The following LRRC8E variants were observed in gnomAD, a reference collection of about 807,000 sequenced individuals.
The protein encoded by LRRC8E is volume-regulated anion channel subunit LRRC8E.
LRRC8E carries 6 observed loss-of-function variants against 6.1 expected under a neutral mutation model. The ratio of observed to expected loss-of-function variants is 0.98; its 90% CI spans 0.54 to 1.93. The LOEUF (loss-of-function observed/expected upper bound fraction) is 1.93, where lower values mean the gene tolerates loss of function less well. Ranked by LOEUF, LRRC8E falls within the 30% of genes most tolerant of loss-of-function variation. The probability of loss-of-function intolerance (pLI) is 0.01; values close to 1 mark genes in which losing one functional copy is unlikely to be tolerated. For missense variants in LRRC8E, 1,028 were observed against 1,031.4 expected (o/e 1.00, Z 0.04); for synonymous variants, 485 against 472.8 (o/e 1.03, Z -0.33).
rs770943757 is a variant in LRRC8E at position 7,899,816 on chromosome 19, A to G, written c.1294A>G (p.Thr432Ala). The G allele has an allele frequency of 3.7e-6, 6 of 1,606,964 alleles. No homozygotes were observed. Among genetic ancestry groups the G allele is most frequent in the Non-Finnish European group, 4.2e-6 (5 of 1,179,920 alleles). Residue 432 changes from threonine (T) to alanine (A), a missense_variant, in exon 3 of 3, where the codon ACC becomes GCC. Coordinates refer to ENST00000306708, the MANE Select transcript of LRRC8E (RefSeq NM_025061.6). ...CTGCATGCTGCCGGGTCTGCCCGAC[A>G]CCGTCTTTGAGCTCAGTGAGGTGGA... is the stretch of plus-strand genomic sequence containing the variant. Reference protein sequence around the residue: ...ALCMLPGLPDTVFELSEVESL... With the variant: ...ALCMLPGLPDAVFELSEVESL...
chr19:7,899,377 C>T lies in LRRC8E; in HGVS notation c.855C>T (p.Ala285=). 6.2e-7 allele frequency: 1 copy of T among 1,614,178 alleles called. No homozygotes were observed. The highest frequency in any genetic ancestry group is 8.5e-7 in the Non-Finnish European group (1 of 1,180,030). ...TGGAGAAGATCAGTTTCCTGGTGGC[C>T]TGTAGGGTGGAGACGTCAGAGGTCA... ...VYVEKISFLV[A]CRVETSEVTG... is the part of the protein sequence containing the mutation. The change falls in exon 3 of 3, where the codon GCC becomes GCT. Residue 285 remains alanine, a synonymous_variant. Coordinates refer to ENST00000306708, the MANE Select transcript of LRRC8E (RefSeq NM_025061.6).
rs201620461 is a variant in LRRC8E at position 7,900,356 on chromosome 19, C to T, written c.1834C>T (p.Leu612Phe). 1.9e-6 allele frequency: 3 copies of T among 1,613,118 alleles called. No individual in the cohort carries two copies. Among genetic ancestry groups the T allele is most frequent in the African/African-American group, 2.7e-5 (2 of 75,062 alleles). Residue 612 changes from leucine (L) to phenylalanine (F), a missense_variant, in exon 3 of 3, where the codon CTC (leucine) becomes TTC (phenylalanine). By Grantham distance (22) the Leu-to-Phe change is conservative. Coordinates refer to ENST00000306708, the MANE Select transcript of LRRC8E (RefSeq NM_025061.6). This position sits in a 1 kb window ranked among gnomAD's most constrained non-coding sequence, Gnocchi z 5.0. ...FSLGALQELD[L>F]KDNHLRSIEE... The stretch of plus-strand genomic sequence containing the variant: ...CCTGGGTGCGCTGCAGGAACTTGAC[C>T]TCAAGGACAACCACCTGCGCTCCAT...
chr19:7,902,001 A>G lies in LRRC8E; in HGVS notation c.*1088A>G, dbSNP rs1358115812. 6.6e-6 allele frequency: 1 copy of G among 152,194 alleles called. No individual in the cohort carries two copies. Among genetic ancestry groups the G allele is most frequent in the African/African-American group, 2.4e-5 (1 of 41,440 alleles). The allele number at this position is 152,194 out of a possible 1,614,324, so 9.4% of individuals were successfully genotyped here. On this transcript the variant is annotated 3_prime_UTR_variant, in exon 3 of 3. Transcript: ENST00000306708. ...ACTGTTCTCTGGGTGCTTAATAAAT[A>G]ATACTAATTATGCAAGTTCTAGTTT...
Position 7,900,295 on chromosome 19 carries a change from C to T in LRRC8E, c.1773C>T (p.Ala591=), listed in dbSNP as rs1288839798. ...CATTGCGGGAGCTGGAGCTGGTGGC[C>T]TGCGGGCTGGAGCGCATCCCCCATG... The part of the protein sequence containing the change: ...LAALRELELV[A]CGLERIPHAV... The change falls in exon 3 of 3, where the codon GCC becomes GCT. Residue 591 remains alanine, a synonymous_variant. Transcript: ENST00000306708. The surrounding 1 kb of genome is among the most constrained non-coding windows in gnomAD (Gnocchi z 5.0). The T allele has an allele frequency of 6.2e-7, 1 of 1,613,370 alleles. No homozygotes were observed. Among genetic ancestry groups the T allele is most frequent in the East Asian group, 2.2e-5 (1 of 44,878 alleles).
In LRRC8E at chr19:7,895,635, CG is replaced by C. The variant is rs775839238; in HGVS notation, c.34del (p.Glu12AsnfsTer26). 1.4e-5 allele frequency: 23 copies of C among 1,613,916 alleles called. No homozygotes were observed. The African/African-American group carries it at 2.7e-4, about 19-fold the overall frequency. MIPVAEFKQF[T>X]EQQPAFKVLK... ...CCAGTGGCCGAGTTCAAGCAGTTCA[CG>C]GAACAGCAGCCTGCGTTCAAGGTGC... On this transcript the variant is annotated frameshift_variant, in exon 2 of 3. Coordinates refer to ENST00000306708, the MANE Select transcript of LRRC8E (RefSeq NM_025061.6). LOFTEE classifies it high-confidence loss of function. The surrounding 1 kb of genome is among the most constrained non-coding windows in gnomAD (Gnocchi z 4.7).
chr19:7,896,565 C>A (rs536994867), intron 2 of LRRC8E, among the ~76,000 whole-genome samples: 4 of 150,422 alleles, frequency 2.7e-5, no homozygotes, highest in African/African-American at 7.3e-5. Context: ...CAGAACGAGA[C>A]TCCATCTTAA....
In LRRC8E at chr19:7,889,310, C is replaced by T. The variant is rs144697055; in HGVS notation, c.-6+710C>T. ...CTACTAAAAATACAAAAATTAGTGG[C>T]GTGTCCCTGTAGTCCCAGCTACTGG... On this transcript the variant is annotated intron_variant, in intron 1 of 2. Transcript: ENST00000306708. Among the ~76,000 whole-genome samples the T allele has an allele frequency of 3.8e-3, 577 of 152,004 alleles. 1 individual carries two copies. Among genetic ancestry groups the T allele is most frequent in the African/African-American group, 0.014 (562 of 41,458 alleles).
Position 7,900,927 on chromosome 19 carries a change from C to G in LRRC8E, c.*14C>G. ...GAGGAGGAATGAAGCTGGGGTGGGG[C>G]CGTTTTAGGTAGAGCCTTAAAAATG... On this transcript the variant is annotated 3_prime_UTR_variant, in exon 3 of 3. Coordinates refer to ENST00000306708, the MANE Select transcript of LRRC8E (RefSeq NM_025061.6). This position sits in a 1 kb window ranked among gnomAD's most constrained non-coding sequence, Gnocchi z 5.0. The G allele has an allele frequency of 6.6e-7, 1 of 1,509,202 alleles. No homozygotes were observed. The highest frequency in any genetic ancestry group is 1.4e-5 in the African/African-American group (1 of 71,314). The allele number at this position is 1,509,202 out of a possible 1,614,324, so 93.5% of individuals were successfully genotyped here. A position where few individuals can be genotyped will look rare whatever the true frequency, so the allele number is the denominator to read the frequency against.
At position 7,898,742 on chromosome 19, in the gene LRRC8E, C is replaced by A. The variant is rs201265081; in HGVS notation, c.220C>A (p.Pro74Thr). 706 of 1,614,016 alleles carry A rather than the reference C, an allele frequency of 4.4e-4. No homozygotes were observed. The highest frequency in any genetic ancestry group is 5.6e-4 in the Non-Finnish European group (657 of 1,179,980). ...AGAGGCCCCGTGCCAGCAATTGCTG[C>A]CTCGGGGGATCCCTGAGCAGATTGG... Reference protein sequence around the residue: ...LSEAPCQQLLPRGIPEQIGAL... With the variant: ...LSEAPCQQLLTRGIPEQIGAL... Residue 74 changes from proline to threonine, a missense_variant, in exon 3 of 3, where the codon CCT (proline) becomes ACT (threonine). Coordinates refer to ENST00000306708, the MANE Select transcript of LRRC8E (RefSeq NM_025061.6).
chr19:7,892,104 G>A (rs1021055063), intron 1 of LRRC8E, among the ~76,000 whole-genome samples: 47 of 148,394 alleles, frequency 3.2e-4, no homozygotes, highest in African/African-American at 1.0e-3. Context: ...ACGGAGTCTC[G>A]CTCTGTCGCC....
intron 1 of LRRC8E, among the ~76,000 whole-genome samples, chr19:7,891,529 GTGTGTGTGTGTGTGTGTT>G (rs373742045): frequency 0.077 from 11,523 of 148,878 alleles, 501 homozygotes; most frequent in Non-Finnish European, 0.1. Flanking sequence ...GCTCGGGTGT[GTGTGTGTGTGTGTGTGTT>G]TGTGTGTGTG....
In LRRC8E at chr19:7,895,337, G is replaced by A. The variant is rs905607539; in HGVS notation, c.-5-262G>A. ...GTGGACTATCCCTCATGTGCTCTTC[G>A]AGGTCAGACAAGTCAGATCAGGTGC... On this transcript the variant is annotated intron_variant, in intron 1 of 2. Coordinates refer to ENST00000306708, the MANE Select transcript of LRRC8E (RefSeq NM_025061.6). The surrounding 1 kb of genome is among the most constrained non-coding windows in gnomAD (Gnocchi z 4.7). The A allele has an allele frequency of 1.1e-5, 5 of 454,988 alleles. No individual in the cohort carries two copies. Among genetic ancestry groups the A allele is most frequent in the East Asian group, 3.4e-5 (1 of 29,188 alleles). 28.2% of individuals were successfully genotyped at this position (454,988 alleles called of 1,614,324 possible). A position where few individuals can be genotyped will look rare whatever the true frequency, so the allele number is the denominator to read the frequency against.
At position 7,895,362 on chromosome 19, in the gene LRRC8E, C is replaced by T. The variant is rs1981523239; in HGVS notation, c.-5-237C>T. 8 of 527,236 alleles carry T rather than the reference C, an allele frequency of 1.5e-5. No individual in the cohort carries two copies. Among genetic ancestry groups the T allele is most frequent in the Non-Finnish European group, 2.8e-5 (8 of 289,436 alleles). 32.7% of individuals were successfully genotyped at this position (527,236 alleles called of 1,614,324 possible). ...GAGGTCAGACAAGTCAGATCAGGTG[C>T]AGGGGTGCCCAGAGGGGAACAGTGG... is the stretch of plus-strand genomic sequence containing the variant. On this transcript the variant is annotated intron_variant, in intron 1 of 2. Transcript: ENST00000306708. The surrounding 1 kb of genome is among the most constrained non-coding windows in gnomAD (Gnocchi z 4.7).
chr19:7,898,638 C>T (rs1331360119), intron 2 of LRRC8E, 23 bp from the exon 3 acceptor site: 1 of 1,574,362 alleles, frequency 6.4e-7, no homozygotes, highest in South Asian at 1.2e-5. Flanking sequence ...GGATTACAGC[C>T]CTCATTCTCT....
In LRRC8E at chr19:7,899,471, A is replaced by C; in HGVS notation, c.949A>C (p.Ile317Leu). 6.2e-7 allele frequency: 1 copy of C among 1,613,930 alleles called. No homozygotes were observed. The highest frequency in any genetic ancestry group is 8.5e-7 in the Non-Finnish European group (1 of 1,179,992). Reference sequence around the variant, plus strand: ...CTTCTCCAAGCTGGCCTTCTGTTACATCTCCTTTGTGTGCATCTACGGACT... The same window carrying C: ...CTTCTCCAAGCTGGCCTTCTGTTACCTCTCCTTTGTGTGCATCTACGGACT... Reference protein sequence around the residue: ...HLFSKLAFCYISFVCIYGLTC... With the variant: ...HLFSKLAFCYLSFVCIYGLTC... The change falls in exon 3 of 3, where the codon ATC (isoleucine) becomes CTC (leucine). Residue 317 changes from isoleucine to leucine, a missense_variant. Transcript: ENST00000306708.
Position 7,900,037 on chromosome 19 carries a change from G to C in LRRC8E, c.1515G>C (p.Gly505=), listed in dbSNP as rs1302602463. 4.3e-6 allele frequency: 7 copies of C among 1,610,528 alleles called. No homozygotes were observed. Among genetic ancestry groups the C allele is most frequent in the Non-Finnish European group, 5.9e-6 (7 of 1,179,442 alleles). Residue 505 remains glycine, a synonymous_variant, in exon 3 of 3, where the codon GGG becomes GGC. Coordinates refer to ENST00000306708, the MANE Select transcript of LRRC8E (RefSeq NM_025061.6). The surrounding 1 kb of genome is among the most constrained non-coding windows in gnomAD (Gnocchi z 5.0). ...GCGAGGTGCCGCTTTGGGTGTTTGG[G>C]CTGCGGGGCTTGGAGGAGCTGCACC... ...ELREVPLWVF[G]LRGLEELHLE...
At chr19:7,897,476 T>C (rs554922) in intron 2 of LRRC8E, among the ~76,000 whole-genome samples, 57,751 of 148,066 alleles carry the variant, frequency 0.39, 11,502 homozygotes, top group East Asian at 0.56. Flanking sequence ...CTGCGCCTGG[T>C]CGAGACAGTT....
chr19:7,900,892 G>A lies in LRRC8E; in HGVS notation c.2370G>A (p.Arg790=), dbSNP rs1443291111. The stretch of plus-strand genomic sequence containing the variant: ...ACCAGGGTCTGCCGGCAGAAGTGCG[G>A]GACAAGATGGAGGAGGAATGAAGCT... ...TLYQGLPAEV[R]DKMEEE The change falls in exon 3 of 3, where the codon CGG becomes CGA. Residue 790 remains arginine, a synonymous_variant. Transcript: ENST00000306708. This position sits in a 1 kb window ranked among gnomAD's most constrained non-coding sequence, Gnocchi z 5.0. 1.3e-6 allele frequency: 2 copies of A among 1,523,754 alleles called. No individual in the cohort carries two copies. Among genetic ancestry groups the A allele is most frequent in the Non-Finnish European group, 8.8e-7 (1 of 1,138,082 alleles). The allele number at this position is 1,523,754 out of a possible 1,614,324, so 94.4% of individuals were successfully genotyped here.
At chr19:7,898,495 G>A (rs899846967) in intron 2 of LRRC8E, among the ~76,000 whole-genome samples, 166 bp from the exon 3 acceptor site, 1 of 152,164 alleles carries the variant, frequency 6.6e-6, no homozygotes, top group African/African-American at 2.4e-5. Flanking sequence ...GAGTAGCTGG[G>A]ATTACAGGTG....
Sources: gnomAD v4.1 joint callset for allele counts (sites outside exome capture counted in the v4.1 genomes callset) on GRCh38, gnomAD v4.1.1 for gene constraint, Gnocchi (gnomAD v3.1) non-coding constraint, MANE v1.5 for transcripts, NCBI Gene and HGNC (gene_info 2026-07-23, HGNC 2026-07-21) for gene names.